KSR2: variants seen among roughly 807,000 people sequenced by gnomAD.
KSR2 encodes kinase suppressor of ras 2.
Under a neutral mutation model 107.8 loss-of-function variants are expected in KSR2, and 25 were observed. That is an observed-to-expected ratio of 0.23 (90% CI 0.17 to 0.32). KSR2 has a LOEUF of 0.32. KSR2 is among the 10% of genes least tolerant of loss of function. The pLI is 1.00. For missense variants in KSR2, 887 were observed against 1,268.9 expected (o/e 0.70, Z 4.57); for synonymous variants, 480 against 507.0 (o/e 0.95, Z 0.71).
intron 3 of KSR2, among the ~76,000 whole-genome samples, chr12:117,809,635 G>A (rs1891129862): frequency 6.6e-6 from 1 of 152,158 alleles, no homozygotes; most frequent in Non-Finnish European, 1.5e-5. Flanking sequence ...CATAGAAAGT[G>A]CCACTCACTG....
chr12:117,696,942 C>A (rs556182154), intron 4 of KSR2, among the ~76,000 whole-genome samples: 1 of 152,146 alleles, frequency 6.6e-6, no homozygotes, highest in Non-Finnish European at 1.5e-5. Flanking sequence ...TTTCACATCA[C>A]GACACACCCA....
chr12:117,766,318 C>A (rs1758673137), intron 3 of KSR2, among the ~76,000 whole-genome samples: 1 of 152,080 alleles, frequency 6.6e-6, no homozygotes, highest in African/African-American at 2.4e-5. Context: ...CATATGATTC[C>A]ATTTATATGA....
intron 8 of KSR2, among the ~76,000 whole-genome samples, chr12:117,557,088 C>T (rs1391016296): frequency 6.6e-6 from 1 of 152,066 alleles, no homozygotes; most frequent in Non-Finnish European, 1.5e-5. Context: ...TCGCTTGAAC[C>T]CGGGAGGCAG....
rs1221982811 is a variant in KSR2, at chr12:117,461,290, CTAACAAACA to C, written c.*5900_*5908del. The C allele has an allele frequency of 6.6e-6, 1 of 152,222 alleles. No homozygotes were observed. The highest frequency in any genetic ancestry group is 1.9e-4 in the East Asian group (1 of 5,200). 9.4% of individuals were successfully genotyped at this position (152,222 alleles called of 1,614,324 possible). On this transcript the variant is annotated 3_prime_UTR_variant, in exon 20 of 20. Coordinates refer to ENST00000339824, the MANE Select transcript of KSR2 (RefSeq NM_173598.6). The stretch of plus-strand genomic sequence containing the variant: ...CTAACTCTAAACCACAACAACAAAC[CTAACAAACA>C]AACTCATTGGGGTTGATATGGCACC...
intron 1 of KSR2, among the ~76,000 whole-genome samples, chr12:117,915,208 A>G (rs1895138778): frequency 6.6e-6 from 1 of 152,222 alleles, no homozygotes; most frequent in Non-Finnish European, 1.5e-5. Flanking sequence ...TATTTCTCAC[A>G]GTTCTGCAGG....
intron 1 of KSR2, among the ~76,000 whole-genome samples, chr12:117,926,298 C>G (rs1895517409): frequency 6.6e-6 from 1 of 152,220 alleles, no homozygotes; most frequent in South Asian, 2.1e-4. Flanking sequence ...CCTTCACTAG[C>G]CCATCTTGTT....
intron 3 of KSR2, among the ~76,000 whole-genome samples, chr12:117,762,732 T>C (rs902615306): frequency 6.6e-6 from 1 of 152,018 alleles, no homozygotes; most frequent in African/African-American, 2.4e-5. Flanking sequence ...CTAGGTGTGG[T>C]GGCGTGTGCC....
chr12:117,933,167 T>C (rs1037339729), intron 1 of KSR2, among the ~76,000 whole-genome samples: 4 of 152,224 alleles, frequency 2.6e-5, no homozygotes, highest in African/African-American at 7.2e-5. Context: ...CCACTTGTTA[T>C]GATCACCTAG....
intron 1 of KSR2, among the ~76,000 whole-genome samples, chr12:117,934,364 T>C (rs979704983): frequency 6.6e-6 from 1 of 151,954 alleles, no homozygotes; most frequent in Non-Finnish European, 1.5e-5. Context: ...CCCAGAAATT[T>C]GTTGGAGCCA....
chr12:117,607,763 A>G (rs1399952753), intron 5 of KSR2, among the ~76,000 whole-genome samples: 1 of 152,096 alleles, frequency 6.6e-6, no homozygotes, highest in African/African-American at 2.4e-5. Context: ...TTTTGCTGAC[A>G]GGAGATTAAC....
chr12:117,782,785 G>A (rs918545457), intron 3 of KSR2, among the ~76,000 whole-genome samples: 11 of 152,066 alleles, frequency 7.2e-5, no homozygotes, highest in Admixed American at 3.9e-4. Flanking sequence ...CTTATTTCTC[G>A]ATAAGGGAGA....
intron 3 of KSR2, among the ~76,000 whole-genome samples, chr12:117,832,374 C>T (rs1892007762): frequency 1.3e-5 from 2 of 152,222 alleles, no homozygotes; most frequent in Non-Finnish European, 2.9e-5. Context: ...CAATTTATTT[C>T]AACAGAGAAA....
chr12:117,555,376 C>G, intron 8 of KSR2, 83 bp from the exon 9 acceptor site: 1 of 1,390,014 alleles, frequency 7.2e-7, no homozygotes, highest in Non-Finnish European at 1.0e-6. Flanking sequence ...TCAGATCCCA[C>G]CTCTTAGACC....
intron 4 of KSR2, among the ~76,000 whole-genome samples, chr12:117,760,730 G>A (rs1242807019): frequency 1.3e-5 from 2 of 152,210 alleles, no homozygotes; most frequent in African/African-American, 4.8e-5. Context: ...GAATGATCAT[G>A]GGCGTGTTCC....
chr12:117,507,129 A>C (rs12228974), intron 14 of KSR2, among the ~76,000 whole-genome samples: 37,968 of 152,134 alleles, frequency 0.25, 5,007 homozygotes, highest in East Asian at 0.47. Context: ...TTCTGTTTAC[A>C]AAACACTTTC....
intron 4 of KSR2, among the ~76,000 whole-genome samples, chr12:117,727,839 T>C (rs1372733389): frequency 1.3e-5 from 2 of 152,174 alleles, no homozygotes; most frequent in Non-Finnish European, 2.9e-5. Context: ...CAATAAATGA[T>C]GGTATATTCA....
chr12:117,901,937 A>T (rs1225220378), intron 1 of KSR2, among the ~76,000 whole-genome samples: 1 of 152,166 alleles, frequency 6.6e-6, no homozygotes, highest in Admixed American at 6.5e-5. Flanking sequence ...AGGTATACAG[A>T]TGGGCAAATA....
chr12:117,581,426 A>C (rs1453140126), intron 6 of KSR2, among the ~76,000 whole-genome samples: 1 of 152,224 alleles, frequency 6.6e-6, no homozygotes, highest in Non-Finnish European at 1.5e-5. Flanking sequence ...ATAAGGGAAC[A>C]GGTCCTCCAG....
At chr12:117,593,681 T>C (rs970977449) in intron 5 of KSR2, among the ~76,000 whole-genome samples, 5 of 152,240 alleles carry the variant, frequency 3.3e-5, no homozygotes, top group African/African-American at 4.8e-5. Flanking sequence ...AAATCCATCT[T>C]GCAGGGTTTA....
Sources: allele counts gnomAD v4.1 joint callset (sites outside exome capture counted in the v4.1 genomes callset), GRCh38; gene constraint gnomAD v4.1.1; transcripts MANE v1.5; gene names NCBI Gene and HGNC (gene_info 2026-07-23, HGNC 2026-07-21).